Variants in KDM2B observed in about 807,000 individuals in gnomAD.
KDM2B encodes the protein lysine-specific demethylase 2B.
In KDM2B, 26 loss-of-function variants were observed where a neutral mutation model predicts 150.0. The ratio of observed to expected loss-of-function variants is 0.17; its 90% confidence interval spans 0.13 to 0.24. The LOEUF (loss-of-function observed/expected upper bound fraction) is 0.24, where lower values mean the gene tolerates loss of function less well. Among genes scored for constraint, KDM2B ranks in the 10% least tolerant of loss-of-function variants. The pLI, the probability that KDM2B is intolerant of heterozygous loss-of-function variation, is 1.00. For synonymous variants in KDM2B, 734 were observed against 729.5 expected (o/e 1.01, Z -0.10); for missense variants, 1,265 against 1,816.9 (o/e 0.70, Z 5.52).
intron 4 of KDM2B, among the ~76,000 whole-genome samples, chr12:121,562,511 C>G (rs2136278087): frequency 6.6e-6 from 1 of 152,126 alleles, no homozygotes; most frequent in Non-Finnish European, 1.5e-5. Context: ...ACAAGTCAGC[C>G]AGCTTTGATT....
At position 121,530,737 on chromosome 12, in the gene KDM2B, C is replaced by G. The variant is rs533682537; in HGVS notation, c.931+2069G>C. On this transcript the variant is annotated intron_variant, in intron 8 of 22. Transcript: ENST00000377071. ...CCTTCAATAGACAGCCACGCCCACA[C>G]CCCTGCTGCCAGGGCTTCTCAAGAC... Among the ~76,000 whole-genome samples the G allele has an allele frequency of 2.6e-5, 4 of 152,246 alleles. No individual in the cohort carries two copies. In the South Asian group the frequency reaches 8.3e-4, roughly 32 times the overall value.
At chr12:121,425,703 A>G (rs1237259932), downstream of KDM2B, among the ~76,000 whole-genome samples, 2 of 152,026 alleles carry the variant, frequency 1.3e-5, no homozygotes, top group Non-Finnish European at 2.9e-5. Context: ...TGAGCAGGTC[A>G]TGGTTTCCCT....
intron 13 of KDM2B, among the ~76,000 whole-genome samples, chr12:121,451,317 G>GTA (rs1389743808): frequency 1.5e-4 from 23 of 152,108 alleles, no homozygotes; most frequent in African/African-American, 5.6e-4. Context: ...TGAGAATACA[G>GTA]TATATAATAC....
At chr12:121,570,528 G>C (rs1245329060) in intron 4 of KDM2B, among the ~76,000 whole-genome samples, 1 of 152,090 alleles carries the variant, frequency 6.6e-6, no homozygotes, top group Admixed American at 6.6e-5. Context: ...ATTCTGGCTG[G>C]ATCATCTGAC....
At chr12:121,574,859 A>G (rs1484538786) in intron 3 of KDM2B, among the ~76,000 whole-genome samples, 1 of 152,148 alleles carries the variant, frequency 6.6e-6, no homozygotes, top group East Asian at 1.9e-4. Flanking sequence ...TGTCCACCCC[A>G]TTTTTCCAGG....
At chr12:121,418,026 G>A in the KDM2B span, 1 of 1,123,058 alleles carries the variant, frequency 8.9e-7, no homozygotes, top group African/African-American at 1.6e-5. Context: ...GTGCTGGAGT[G>A]AAGCTTCCAC....
chr12:121,475,793 C>T (rs1421483587), intron 12 of KDM2B, among the ~76,000 whole-genome samples: 1 of 151,890 alleles, frequency 6.6e-6, no homozygotes. Flanking sequence ...CCCTGCCCCA[C>T]AACCCCCACG....
intron 12 of KDM2B, among the ~76,000 whole-genome samples, chr12:121,474,768 A>G (rs139914153): frequency 0.015 from 2,304 of 152,206 alleles, 59 homozygotes; most frequent in African/African-American, 0.053. Flanking sequence ...ACCTGGCAAC[A>G]CGGCAAAACC....
intron 4 of KDM2B, among the ~76,000 whole-genome samples, chr12:121,571,035 G>A (rs910627737): frequency 7.2e-5 from 11 of 152,224 alleles, no homozygotes; most frequent in Admixed American, 6.5e-4. Flanking sequence ...GCCTCATGCT[G>A]CAACATGGAT....
chr12:121,517,732 A>T lies in KDM2B; in HGVS notation c.1047+3253T>A, dbSNP rs564095965. Among the ~76,000 whole-genome samples the T allele has an allele frequency of 5.1e-4, 77 of 151,004 alleles. No individual in the cohort carries two copies. In the South Asian group the frequency reaches 0.016, roughly 32 times the overall value. ...ATCATCCGCCTGCCTTGGCCTCCCAAAGTGCTGGGATTATAGGCGTCAGCC... is the reference window on the plus strand; with the variant it reads ...ATCATCCGCCTGCCTTGGCCTCCCATAGTGCTGGGATTATAGGCGTCAGCC... On this transcript the variant is annotated intron_variant, in intron 9 of 22. Transcript: ENST00000377071.
chr12:121,463,906 T>A (rs1356817181), intron 12 of KDM2B, among the ~76,000 whole-genome samples: 1 of 151,142 alleles, frequency 6.6e-6, no homozygotes, highest in African/African-American at 2.4e-5. Flanking sequence ...GAAAAAATAA[T>A]AGAAGCTGTT....
intron 11 of KDM2B, among the ~76,000 whole-genome samples, chr12:121,504,642 G>A (rs1195960110): frequency 6.6e-6 from 1 of 152,148 alleles, no homozygotes; most frequent in Non-Finnish European, 1.5e-5. Flanking sequence ...GCAGCTCTTA[G>A]GTATGGGACT....
intron 4 of KDM2B, among the ~76,000 whole-genome samples, chr12:121,570,480 C>T (rs1891016788): frequency 1.3e-5 from 2 of 152,304 alleles, no homozygotes; most frequent in African/African-American, 4.8e-5. Flanking sequence ...AGCCACCGCA[C>T]CCAGCCTGCA....
intron 4 of KDM2B, among the ~76,000 whole-genome samples, chr12:121,563,920 C>A (rs1320841904): frequency 6.6e-6 from 1 of 151,642 alleles, no homozygotes; most frequent in Non-Finnish European, 1.5e-5. Flanking sequence ...AAAAAAAAGA[C>A]AAACCTAGGC....
intron 12 of KDM2B, chr12:121,494,309 C>T: frequency 2.5e-6 from 1 of 393,894 alleles, no homozygotes; most frequent in Non-Finnish European, 4.6e-6. Flanking sequence ...ACAGAAAATC[C>T]ACCTAACCAC....
intron 22 of KDM2B, among the ~76,000 whole-genome samples, chr12:121,439,029 G>T (rs1555287473): frequency 6.6e-6 from 1 of 152,150 alleles, no homozygotes; most frequent in East Asian, 1.9e-4. Flanking sequence ...CGCCCCAACG[G>T]CAAGTGCAGC....
chr12:121,519,134 A>G (rs980363622), intron 9 of KDM2B, among the ~76,000 whole-genome samples: 1 of 152,222 alleles, frequency 6.6e-6, no homozygotes, highest in African/African-American at 2.4e-5. Context: ...CATGCCTCAC[A>G]ACATCTGACC....
At chr12:121,435,318 A>G (rs1336881942) in intron 22 of KDM2B, among the ~76,000 whole-genome samples, 2 of 152,160 alleles carry the variant, frequency 1.3e-5, no homozygotes, top group Non-Finnish European at 2.9e-5. Flanking sequence ...TTATTTTTCT[A>G]ATTTTGGAAG....
intron 12 of KDM2B, among the ~76,000 whole-genome samples, chr12:121,475,594 CA>C (rs1371866594): frequency 6.6e-6 from 1 of 151,114 alleles, no homozygotes; most frequent in Non-Finnish European, 1.5e-5. Context: ...GACTCTGTCT[CA>C]AAAAACAAAA....
Sources: allele counts gnomAD v4.1 joint callset (sites outside exome capture counted in the v4.1 genomes callset), GRCh38; gene constraint gnomAD v4.1.1; transcripts MANE v1.5; gene names NCBI Gene and HGNC (gene_info 2026-07-23, HGNC 2026-07-21).